Variants in POU6F2 observed in about 807,000 individuals in gnomAD.
POU6F2 encodes the protein POU domain, class 6, transcription factor 2.
POU6F2 carries 31 observed loss-of-function variants against 71.3 expected under a neutral mutation model. That is an observed-to-expected ratio of 0.43 (90% CI 0.33 to 0.59). The LOEUF is 0.59. Among genes scored for constraint, POU6F2 ranks in the 20% least tolerant of loss-of-function variants. The pLI is 0.04. For synonymous variants in POU6F2, 347 were observed against 355.7 expected, an observed-to-expected ratio of 0.98 and a Z score of 0.27; for missense variants, 783 against 856.8, an observed-to-expected ratio of 0.91 and a Z score of 1.07.
chr7:39,202,175 AG>A (rs529554096), intron 2 of POU6F2, among the ~76,000 whole-genome samples: 1 of 152,334 alleles, frequency 6.6e-6, no homozygotes, highest in South Asian at 2.1e-4. Context: ...TGTAAAGTTG[AG>A]GGGAACAAAT....
intron 5 of POU6F2, among the ~76,000 whole-genome samples, chr7:39,349,935 T>A (rs548730375): frequency 2.0e-5 from 3 of 152,242 alleles, no homozygotes; most frequent in African/African-American, 7.2e-5. Context: ...GATAGGGCAA[T>A]TCTGTGTCCT....
chr7:39,440,115 G>C (rs2116064919), intron 7 of POU6F2, among the ~76,000 whole-genome samples: 1 of 152,284 alleles, frequency 6.6e-6, no homozygotes, highest in Non-Finnish European at 1.5e-5. Context: ...GCCCTTAACA[G>C]TTTTTCCTTC....
In POU6F2 at chr7:39,146,089, C is replaced by T. The variant is rs562114392; in HGVS notation, c.278-58146C>T. ...TTACAGTCTAAGGGAGAAACAAATG[C>T]TTATCAAATAACCACATGTGCTAAA... On this transcript the variant is annotated intron_variant, in intron 2 of 9. Coordinates refer to ENST00000518318, the MANE Select transcript of POU6F2 (RefSeq NM_001370959.1). 4.6e-5 allele frequency among the ~76,000 whole-genome samples: 7 copies of T among 152,288 alleles called. No homozygotes were observed. The South Asian group carries it at 1.5e-3, about 32-fold the overall frequency.
intron 5 of POU6F2, among the ~76,000 whole-genome samples, chr7:39,370,383 G>A (rs1357235593): frequency 2.0e-5 from 3 of 152,216 alleles, no homozygotes; most frequent in Non-Finnish European, 4.4e-5. Flanking sequence ...AAGACCCAAA[G>A]AGGAGCCAAC....
In POU6F2 at chr7:39,259,553, G is replaced by A. The variant is rs191032031; in HGVS notation, c.598+51933G>A. Among the ~76,000 whole-genome samples the A allele has an allele frequency of 2.6e-3, 390 of 152,264 alleles. 1 individual carries two copies. The highest frequency in any genetic ancestry group is 4.2e-3 in the Non-Finnish European group (286 of 68,014). On this transcript the variant is annotated intron_variant, in intron 4 of 9. Transcript: ENST00000518318. ...AGCTCCAGGAGCCACATTCCTCCTT[G>A]AGCACGTTCCAAGGGCCGTGTTGCC...
At chr7:39,450,433 GTCCTGGCCTGCCCTTATGGCAGCTT>G (rs1290234315) in intron 7 of POU6F2, among the ~76,000 whole-genome samples, 1 of 152,104 alleles carries the variant, frequency 6.6e-6, no homozygotes, top group Non-Finnish European at 1.5e-5. Context: ...CCTGCTTGGT[GTCCTGGCCTGCCCTTATGGCAGCTT>G]TCCCGGAGAA....
intron 5 of POU6F2, among the ~76,000 whole-genome samples, chr7:39,348,018 C>T (rs889286685): frequency 6.9e-6 from 1 of 144,108 alleles, no homozygotes; most frequent in African/African-American, 2.5e-5. Context: ...AGGGAAATAA[C>T]ATATTGTGTA....
chr7:39,450,699 T>A (rs1788638255), intron 7 of POU6F2, among the ~76,000 whole-genome samples: 1 of 152,152 alleles, frequency 6.6e-6, no homozygotes, highest in Non-Finnish European at 1.5e-5. Flanking sequence ...TGTGGCATCA[T>A]AACTAAGAGC....
intron 1 of POU6F2, among the ~76,000 whole-genome samples, chr7:39,008,626 G>A (rs1789161488): frequency 6.6e-6 from 1 of 151,022 alleles, no homozygotes; most frequent in South Asian, 2.1e-4. Context: ...GTAATGCCTA[G>A]GTTTTCTTCT....
At chr7:38,979,886 G>C (rs1788274356) in intron 1 of POU6F2, among the ~76,000 whole-genome samples, 1 of 152,012 alleles carries the variant, frequency 6.6e-6, no homozygotes, top group Non-Finnish European at 1.5e-5. Context: ...AATCAGGAAA[G>C]TCACTTGTAG....
chr7:39,019,683 C>T (rs1789636968), intron 1 of POU6F2, among the ~76,000 whole-genome samples: 3 of 146,776 alleles, frequency 2.0e-5, no homozygotes, highest in Non-Finnish European at 3.0e-5. Context: ...GGAACGTTTC[C>T]TTGACTTTTC....
intron 7 of POU6F2, among the ~76,000 whole-genome samples, chr7:39,448,855 A>G (rs935050578): frequency 6.6e-5 from 10 of 152,220 alleles, no homozygotes; most frequent in African/African-American, 2.2e-4. Flanking sequence ...TAGAAGGACA[A>G]CTCAATACGT....
intron 1 of POU6F2, among the ~76,000 whole-genome samples, chr7:38,981,849 T>C (rs191069570): frequency 2.6e-5 from 4 of 152,344 alleles, no homozygotes; most frequent in Admixed American, 2.6e-4. Flanking sequence ...TATGTGTGCA[T>C]GCATTTGGCT....
At chr7:39,266,836 T>G (rs1784255511) in intron 4 of POU6F2, among the ~76,000 whole-genome samples, 1 of 152,040 alleles carries the variant, frequency 6.6e-6, no homozygotes, top group Non-Finnish European at 1.5e-5. Flanking sequence ...ATTTATCATT[T>G]CTTTGTAGTG....
intron 1 of POU6F2, among the ~76,000 whole-genome samples, chr7:39,069,450 ATG>A (rs1199501552): frequency 1.3e-5 from 2 of 152,172 alleles, no homozygotes; most frequent in African/African-American, 4.8e-5. Context: ...AAGACCGTGC[ATG>A]GTTTTTAAGT....
At chr7:39,367,447 T>G (rs1421246519) in intron 5 of POU6F2, among the ~76,000 whole-genome samples, 1 of 152,228 alleles carries the variant, frequency 6.6e-6, no homozygotes, top group African/African-American at 2.4e-5. Flanking sequence ...TAAGTTTCTC[T>G]TGATAGATGA....
At chr7:39,045,982 A>T (rs1410805352) in intron 1 of POU6F2, among the ~76,000 whole-genome samples, 1 of 151,810 alleles carries the variant, frequency 6.6e-6, no homozygotes, top group East Asian at 1.9e-4. Context: ...TAGAAGTGGG[A>T]TTTGTGGGTC....
At chr7:39,203,061 A>G (rs74679254) in intron 2 of POU6F2, among the ~76,000 whole-genome samples, 1 of 152,262 alleles carries the variant, frequency 6.6e-6, no homozygotes, top group African/African-American at 2.4e-5. Context: ...ATAGAAGTCA[A>G]TTGAATAATA....
chr7:39,386,112 C>T (rs1415667168), intron 5 of POU6F2, among the ~76,000 whole-genome samples: 9 of 133,740 alleles, frequency 6.7e-5, no homozygotes, highest in East Asian at 2.7e-4. Context: ...AGCAAGACTC[C>T]GTCTCAAAAA....
Sources: gnomAD v4.1 joint callset for allele counts (sites outside exome capture counted in the v4.1 genomes callset) on GRCh38, gnomAD v4.1.1 for gene constraint, MANE v1.5 for transcripts, NCBI Gene and HGNC (gene_info 2026-07-23, HGNC 2026-07-21) for gene names.